The following KIAA0825 variants were observed in gnomAD, a reference collection of about 807,000 sequenced individuals.
KIAA0825 encodes uncharacterized protein KIAA0825.
KIAA0825 carries 119 observed loss-of-function variants against 147.6 expected under a neutral mutation model. That is an observed-to-expected ratio of 0.81 (90% CI 0.69 to 0.94). KIAA0825 has a LOEUF of 0.94. Ranked by LOEUF, KIAA0825 falls within the 40% of genes least tolerant of loss-of-function variation. The pLI is 0.00. For missense variants in KIAA0825, 1,381 were observed against 1,472.7 expected (o/e 0.94, Z 1.02); for synonymous variants, 470 against 518.1 (o/e 0.91, Z 1.26).
chr5:94,287,195 T>C (rs1334953759), intron 20 of KIAA0825, among the ~76,000 whole-genome samples: 1 of 152,170 alleles, frequency 6.6e-6, no homozygotes, highest in Non-Finnish European at 1.5e-5. Flanking sequence ...TTAAAACTCT[T>C]CTACTACGTT....
chr5:94,355,195 C>A (rs1485075743), intron 20 of KIAA0825, among the ~76,000 whole-genome samples: 1 of 152,136 alleles, frequency 6.6e-6, no homozygotes, highest in Non-Finnish European at 1.5e-5. Context: ...CCCTTAGAGA[C>A]AATGGATGAC....
intron 20 of KIAA0825, among the ~76,000 whole-genome samples, chr5:94,290,107 C>A (rs1482686552): frequency 1.3e-5 from 2 of 151,822 alleles, no homozygotes; most frequent in Non-Finnish European, 2.9e-5. Flanking sequence ...TGGGATCAGG[C>A]AATAAGAGAG....
At chr5:94,592,007 G>A (rs539264969) in intron 1 of KIAA0825, among the ~76,000 whole-genome samples, 7 of 152,270 alleles carry the variant, frequency 4.6e-5, no homozygotes, top group Admixed American at 1.3e-4. Flanking sequence ...TGGAAATTAT[G>A]GCAGCTATAA....
intron 20 of KIAA0825, among the ~76,000 whole-genome samples, chr5:94,264,255 A>G (rs1055868794): frequency 6.6e-6 from 1 of 152,220 alleles, no homozygotes; most frequent in Admixed American, 6.5e-5. Context: ...TCAGCCGGTT[A>G]GGATCTTTAC....
rs192703524 is a variant in KIAA0825 at position 94,471,849 on chromosome 5, C to T, written c.1456-118G>A. ...TTGGCATCAAACATAAATATAATGACGCAGCTTTGTAATAATCGATTTCTC... is the reference window on the plus strand; with the variant it reads ...TTGGCATCAAACATAAATATAATGATGCAGCTTTGTAATAATCGATTTCTC... On this transcript the variant is annotated intron_variant, in intron 8 of 20. Transcript: ENST00000682413. 2,348 of 887,194 alleles carry T rather than the reference C, an allele frequency of 2.6e-3. 27 individuals carry two copies. Among genetic ancestry groups the T allele is most frequent in the South Asian group, 0.018 (1,035 of 56,486 alleles). The allele number at this position is 887,194 out of a possible 1,614,324, so 55.0% of individuals were successfully genotyped here.
intron 3 of KIAA0825, among the ~76,000 whole-genome samples, chr5:94,532,604 G>A (rs774590271): frequency 6.6e-6 from 1 of 150,700 alleles, no homozygotes; most frequent in Non-Finnish European, 1.5e-5. Context: ...AATAGCGTGT[G>A]CAGCCTCAAA....
Position 94,240,199 on chromosome 5 carries a change from C to A in KIAA0825, c.3711-86075G>T, listed in dbSNP as rs535354641. Among the ~76,000 whole-genome samples, 9 of 152,284 alleles carry A rather than the reference C, an allele frequency of 5.9e-5. No homozygotes were observed. In the South Asian group the frequency reaches 1.9e-3, roughly 32 times the overall value. On this transcript the variant is annotated intron_variant, in intron 20 of 20. Coordinates refer to ENST00000682413, the MANE Select transcript of KIAA0825 (RefSeq NM_001145678.3). ...TGTTTAACTTTCAAAACTCGGCTAA[C>A]CCATATTAAGGTCACAATCCATCAT...
At position 94,417,378 on chromosome 5, in the gene KIAA0825, G is replaced by A. The variant is rs1229927732; in HGVS notation, c.2498-13C>T. On this transcript the variant is annotated splice_polypyrimidine_tract_variant and intron_variant, in intron 14 of 20. Coordinates refer to ENST00000682413, the MANE Select transcript of KIAA0825 (RefSeq NM_001145678.3). ...TCGGAAACTTGTTCTTGAAAGGTAC[G>A]TTCTTGAAAGGAATCAAAATGATTT... 10 of 1,534,972 alleles carry A rather than the reference G, an allele frequency of 6.5e-6. No homozygotes were observed. In the East Asian group the frequency reaches 7.4e-5, roughly 11 times the overall value.
intron 20 of KIAA0825, among the ~76,000 whole-genome samples, chr5:94,272,335 AAG>A (rs1777031434): frequency 6.6e-6 from 1 of 152,074 alleles, no homozygotes; most frequent in Non-Finnish European, 1.5e-5. Flanking sequence ...AAATAACTAA[AAG>A]AGTATCACTG....
At chr5:94,223,023 T>C (rs949706306) in intron 20 of KIAA0825, among the ~76,000 whole-genome samples, 1 of 152,162 alleles carries the variant, frequency 6.6e-6, no homozygotes, top group African/African-American at 2.4e-5. Flanking sequence ...GTAGTCCTCA[T>C]GCTGTACTTA....
At chr5:94,225,695 C>T (rs1034629200) in intron 20 of KIAA0825, among the ~76,000 whole-genome samples, 1 of 152,168 alleles carries the variant, frequency 6.6e-6, no homozygotes, top group African/African-American at 2.4e-5. Context: ...GACTTGCCAG[C>T]CTCCTGAGCT....
intron 2 of KIAA0825, among the ~76,000 whole-genome samples, chr5:94,564,071 C>G (rs1778096104): frequency 6.6e-6 from 1 of 152,122 alleles, no homozygotes; most frequent in Non-Finnish European, 1.5e-5. Flanking sequence ...TCCCTCCAAC[C>G]TCCTATACTT....
At chr5:94,215,133 G>A (rs1773084210) in intron 20 of KIAA0825, among the ~76,000 whole-genome samples, 1 of 152,060 alleles carries the variant, frequency 6.6e-6, no homozygotes, top group South Asian at 2.1e-4. Flanking sequence ...CAGGGGATCA[G>A]ACAACAAGAT....
intron 20 of KIAA0825, among the ~76,000 whole-genome samples, chr5:94,339,521 C>G (rs1782149680): frequency 6.6e-6 from 1 of 152,148 alleles, no homozygotes; most frequent in African/African-American, 2.4e-5. Context: ...GTCTTAGTTC[C>G]TGTAGCGTCA....
At chr5:94,376,437 G>GAT (rs1377147404) in intron 20 of KIAA0825, among the ~76,000 whole-genome samples, 1 of 152,088 alleles carries the variant, frequency 6.6e-6, no homozygotes, top group Non-Finnish European at 1.5e-5. Context: ...AGATTAGTGT[G>GAT]AAAGTGCTTT....
chr5:94,417,688 C>A (rs1414382652), intron 14 of KIAA0825, among the ~76,000 whole-genome samples: 1 of 152,044 alleles, frequency 6.6e-6, no homozygotes, highest in Non-Finnish European at 1.5e-5. Flanking sequence ...TTAAGGAAAA[C>A]TTTTTTGTTT....
intron 1 of KIAA0825, among the ~76,000 whole-genome samples, chr5:94,617,165 T>C (rs1429609980): frequency 6.6e-6 from 1 of 152,170 alleles, no homozygotes; most frequent in African/African-American, 2.4e-5. Context: ...AATGATTGGC[T>C]ACATTCAAGA....
intron 1 of KIAA0825, among the ~76,000 whole-genome samples, chr5:94,584,657 A>G (rs553199953): frequency 1.2e-3 from 184 of 152,270 alleles, no homozygotes; most frequent in Non-Finnish European, 2.1e-3. Context: ...CTAGCAAGAC[A>G]GGCCAACATT....
In KIAA0825 at chr5:94,153,195, G is replaced by A. The variant is rs559296077; in HGVS notation, c.*812C>T. 2.0e-5 allele frequency: 3 copies of A among 151,784 alleles called. No individual in the cohort carries two copies. In the East Asian group the frequency reaches 5.9e-4, roughly 30 times the overall value. 9.4% of individuals were successfully genotyped at this position (151,784 alleles called of 1,614,324 possible). On this transcript the variant is annotated 3_prime_UTR_variant, in exon 21 of 21. Coordinates refer to ENST00000682413, the MANE Select transcript of KIAA0825 (RefSeq NM_001145678.3). ...TTCTGTTTTCTTATTTTGTGTGTGT[G>A]TATCAATACAATGAAAAAATTTTAA...
Sources: allele counts gnomAD v4.1 joint callset (sites outside exome capture counted in the v4.1 genomes callset), GRCh38; gene constraint gnomAD v4.1.1; transcripts MANE v1.5; gene names NCBI Gene and HGNC (gene_info 2026-07-23, HGNC 2026-07-21).